Variants in KHDRBS3 observed in about 807,000 individuals in gnomAD.
KHDRBS3 encodes KH RNA binding domain containing, signal transduction associated 3.
KHDRBS3 carries 23 observed loss-of-function variants against 45.6 expected under a neutral mutation model. That is an observed-to-expected ratio of 0.50 (90% confidence interval 0.36 to 0.72). The LOEUF is 0.72. KHDRBS3 is among the 30% of genes least tolerant of loss of function. The pLI, the probability that KHDRBS3 is intolerant of heterozygous loss-of-function variation, is 0.00. For missense variants in KHDRBS3, 352 were observed against 424.8 expected (o/e 0.83, Z 1.51); for synonymous variants, 162 against 156.5 (o/e 1.04, Z -0.26).
At chr8:135,567,288 G>A (rs1365175769) in intron 5 of KHDRBS3, among the ~76,000 whole-genome samples, 1 of 151,972 alleles carries the variant, frequency 6.6e-6, no homozygotes, top group Non-Finnish European at 1.5e-5. Flanking sequence ...GTTCTCAGAT[G>A]TGGAAAACAC....
At chr8:135,619,146 G>C (rs948128876) in intron 7 of KHDRBS3, among the ~76,000 whole-genome samples, 1 of 152,178 alleles carries the variant, frequency 6.6e-6, no homozygotes, top group African/African-American at 2.4e-5. Flanking sequence ...GGACCAAAAA[G>C]TAGGCATATA....
chr8:135,530,059 CA>C (rs11428464), intron 2 of KHDRBS3, among the ~76,000 whole-genome samples: 85 of 136,572 alleles, frequency 6.2e-4, no homozygotes, highest in African/African-American at 7.6e-4. Flanking sequence ...ACTCCCATCT[CA>C]AAAAAAAAAA....
chr8:135,643,284 C>G (rs1310300732), intron 7 of KHDRBS3, among the ~76,000 whole-genome samples: 2 of 152,164 alleles, frequency 1.3e-5, no homozygotes, highest in African/African-American at 4.8e-5. Flanking sequence ...ACTGTGCAAG[C>G]ACTGCATGCT....
chr8:135,473,932 A>C (rs958594698), intron 1 of KHDRBS3, among the ~76,000 whole-genome samples: 1 of 152,178 alleles, frequency 6.6e-6, no homozygotes, highest in Non-Finnish European at 1.5e-5. Flanking sequence ...AATGGCCACC[A>C]TTCTTGCTTG....
At chr8:135,555,807 G>A (rs969101603) in intron 4 of KHDRBS3, among the ~76,000 whole-genome samples, 10 of 151,946 alleles carry the variant, frequency 6.6e-5, no homozygotes, top group Admixed American at 2.6e-4. Context: ...TGTTACATAG[G>A]TATACACGTG....
intron 7 of KHDRBS3, among the ~76,000 whole-genome samples, chr8:135,636,230 AGT>A (rs1286449442): frequency 1.3e-5 from 2 of 152,184 alleles, no homozygotes; most frequent in African/African-American, 2.4e-5. Flanking sequence ...CTTGTACTTC[AGT>A]GTGCCCCAGA....
chr8:135,458,867 C>G (rs1423182138), intron 1 of KHDRBS3: 1 of 456,218 alleles, frequency 2.2e-6, no homozygotes, highest in Non-Finnish European at 4.4e-6. Context: ...GTTCCCCTGG[C>G]TTTTTCCTCC....
At chr8:135,489,240 G>T (rs1156632399) in intron 1 of KHDRBS3, among the ~76,000 whole-genome samples, 1 of 152,002 alleles carries the variant, frequency 6.6e-6, no homozygotes, top group Non-Finnish European at 1.5e-5. Flanking sequence ...GACAGTGCCT[G>T]TTTTTTTGTT....
At chr8:135,610,034 C>CT (rs1829645703) in intron 7 of KHDRBS3, among the ~76,000 whole-genome samples, 1 of 151,844 alleles carries the variant, frequency 6.6e-6, no homozygotes, top group Non-Finnish European at 1.5e-5. Flanking sequence ...CAAGATGTAA[C>CT]TTTTTTTATG....
downstream of KHDRBS3, among the ~76,000 whole-genome samples, chr8:135,651,866 A>G (rs932439639): frequency 7.9e-5 from 12 of 152,166 alleles, no homozygotes; most frequent in Admixed American, 5.2e-4. Flanking sequence ...CAGACCCCAA[A>G]AAACCCACAC....
chr8:135,611,101 A>G lies in KHDRBS3; in HGVS notation c.890+4064A>G, dbSNP rs868271126. On this transcript the variant is annotated intron_variant, in intron 7 of 8. Transcript: ENST00000355849. The stretch of plus-strand genomic sequence containing the variant: ...TTCACTAAAAGAAGCATCTTTTGTG[A>G]CAGCCAGTCTACCTTCTTTGAAGTG... Among the ~76,000 whole-genome samples the G allele has an allele frequency of 5.1e-4, 77 of 152,020 alleles. 2 individuals are homozygous for G. The highest frequency in any genetic ancestry group is 3.5e-3 in the Admixed American group (54 of 15,286).
chr8:135,597,074 AAAAG>A (rs1302989401), intron 6 of KHDRBS3, among the ~76,000 whole-genome samples: 1 of 152,234 alleles, frequency 6.6e-6, no homozygotes, highest in Non-Finnish European at 1.5e-5. Context: ...GATAATTTAT[AAAAG>A]AAATGTATTC....
chr8:135,643,102 C>T (rs1194827353), intron 7 of KHDRBS3, among the ~76,000 whole-genome samples: 4 of 152,260 alleles, frequency 2.6e-5, no homozygotes, highest in East Asian at 1.9e-4. Flanking sequence ...CTGGTCCAGG[C>T]ATTTTTCATC....
intron 1 of KHDRBS3, among the ~76,000 whole-genome samples, chr8:135,465,220 G>C (rs1233150155): frequency 6.6e-6 from 1 of 152,146 alleles, no homozygotes; most frequent in Non-Finnish European, 1.5e-5. Context: ...ATTTCTCAGA[G>C]CCTCAGTTTC....
chr8:135,531,577 T>C (rs1825480149), intron 2 of KHDRBS3, among the ~76,000 whole-genome samples: 2 of 152,088 alleles, frequency 1.3e-5, no homozygotes, highest in South Asian at 4.1e-4. Flanking sequence ...CATAATCTAA[T>C]AGGGGAAAGG....
intron 5 of KHDRBS3, among the ~76,000 whole-genome samples, chr8:135,570,245 CTTTA>C (rs1827636688): frequency 6.6e-6 from 1 of 152,032 alleles, no homozygotes; most frequent in Non-Finnish European, 1.5e-5. Context: ...TAAAAAAAAT[CTTTA>C]TTTTTAGAGG....
chr8:135,483,461 G>A (rs565982883), intron 1 of KHDRBS3, among the ~76,000 whole-genome samples: 2 of 152,262 alleles, frequency 1.3e-5, no homozygotes, highest in Non-Finnish European at 2.9e-5. Flanking sequence ...TGTCATGGTG[G>A]CTATGGGAGA....
At chr8:135,619,892 G>A (rs1281710583) in intron 7 of KHDRBS3, among the ~76,000 whole-genome samples, 1 of 152,146 alleles carries the variant, frequency 6.6e-6, no homozygotes, top group Non-Finnish European at 1.5e-5. Flanking sequence ...AGCATATGTG[G>A]CAATTTGAAA....
chr8:135,649,734 T>C (rs1831390668), downstream of KHDRBS3, among the ~76,000 whole-genome samples: 1 of 152,188 alleles, frequency 6.6e-6, no homozygotes, highest in Non-Finnish European at 1.5e-5. Flanking sequence ...GGAGTTGGCA[T>C]ACAGAATAAT....
Sources: allele counts gnomAD v4.1 joint callset (sites outside exome capture counted in the v4.1 genomes callset), GRCh38; gene constraint gnomAD v4.1.1; transcripts MANE v1.5; gene names NCBI Gene and HGNC (gene_info 2026-07-23, HGNC 2026-07-21).